TNFRSF14: variants seen among roughly 807,000 people sequenced by gnomAD.
TNFRSF14 encodes the protein tumor necrosis factor receptor superfamily member 14.
Under a neutral mutation model 34.1 loss-of-function variants are expected in TNFRSF14, and 18 were observed. That is an observed-to-expected ratio of 0.53 (90% CI 0.36 to 0.78). The LOEUF (loss-of-function observed/expected upper bound fraction) is 0.78. Ranked by LOEUF, TNFRSF14 falls within the 30% of genes least tolerant of loss-of-function variation. TNFRSF14 has a pLI of 0.00. For missense variants in TNFRSF14, 352 were observed against 379.5 expected, an observed-to-expected ratio of 0.93 and a Z score of 0.60; for synonymous variants, 157 against 153.2, an observed-to-expected ratio of 1.02 and a Z score of -0.18.
intron 1 of TNFRSF14, 144 bp downstream of exon 1, chr1:2,556,877 G>A: frequency 1.2e-6 from 1 of 811,066 alleles, no homozygotes; most frequent in Non-Finnish European, 1.9e-6. Context: ...GGGCTCTCGG[G>A]TCAACCCAGA....
Position 2,561,510 on chromosome 1 carries a change from CAG to C in TNFRSF14, c.552-161_552-160del, listed in dbSNP as rs1644307907. On this transcript the variant is annotated intron_variant, in intron 5 of 7. Coordinates refer to ENST00000355716, the MANE Select transcript of TNFRSF14 (RefSeq NM_003820.4). The surrounding 1 kb of genome is among the most constrained non-coding windows in gnomAD (Gnocchi z 6.0). ...TCCCCATAGCCGAGCTTGGAAAAGT[CAG>C]ACAGACCTCTGAGGTCTCATCCTGG... is the stretch of plus-strand genomic sequence containing the variant. 1 of 1,538,026 alleles carries C rather than the reference CAG, an allele frequency of 6.5e-7. No homozygotes were observed. Among genetic ancestry groups the C allele is most frequent in the Admixed American group, 2.1e-5 (1 of 48,332 alleles).
At chr1:2,560,097 C>A (rs939193570) in intron 4 of TNFRSF14, 119 bp downstream of exon 4, 25 of 1,387,250 alleles carry the variant, frequency 1.8e-5, no homozygotes, top group Non-Finnish European at 2.4e-5. Flanking sequence ...TGAGACAGAA[C>A]CTTGGCCAGC....
intron 3 of TNFRSF14, chr1:2,559,192 T>C (rs1380355561): frequency 5.8e-6 from 8 of 1,367,676 alleles, no homozygotes; most frequent in Middle Eastern, 1.9e-4. Context: ...GAAGCTGGAG[T>C]GCTTTGGGGG....
intron 3 of TNFRSF14, chr1:2,559,421 T>C: frequency 3.6e-6 from 5 of 1,387,990 alleles, no homozygotes; most frequent in Non-Finnish European, 3.8e-6. Flanking sequence ...CCTCTGCCAT[T>C]GGAATGGCCT....
At chr1:2,560,851 G>A (rs535978963) in intron 5 of TNFRSF14, 137 bp downstream of exon 5, 209 of 722,374 alleles carry the variant, frequency 2.9e-4, no homozygotes, top group African/African-American at 2.8e-3. Flanking sequence ...ACATGCCTGC[G>A]TCCAGGAGAG....
chr1:2,558,764 A>T, intron 3 of TNFRSF14: 2 of 1,268,390 alleles, frequency 1.6e-6, no homozygotes, highest in African/African-American at 3.0e-5. Flanking sequence ...GGGTGCCCAG[A>T]CCTCTCCTGT....
chr1:2,556,562 T>TCTCTTTCTCTTC lies in TNFRSF14; in HGVS notation c.-102_-91dup. On this transcript the variant is annotated 5_prime_UTR_variant, in exon 1 of 8. Coordinates refer to ENST00000355716, the MANE Select transcript of TNFRSF14 (RefSeq NM_003820.4). ...CACCGAGGCGGATTCTCTTTCTCTT[T>TCTCTTTCTCTTC]CTCTTTCTCTTCTGGCCCACAGCCG... 8.5e-7 allele frequency: 1 copy of TCTCTTTCTCTTC among 1,177,652 alleles called. No individual in the cohort carries two copies. The highest frequency in any genetic ancestry group is 1.2e-6 in the Non-Finnish European group (1 of 805,976). The allele number at this position is 1,177,652 out of a possible 1,614,324, so 73.0% of individuals were successfully genotyped here.
chr1:2,559,354 C>T (rs1478477219), intron 3 of TNFRSF14: 2 of 1,375,642 alleles, frequency 1.5e-6, no homozygotes, highest in East Asian at 3.4e-5. Context: ...GGGCCCAGGC[C>T]CAGCTTGTAC....
intron 1 of TNFRSF14, among the ~76,000 whole-genome samples, 180 bp from the exon 2 acceptor site, chr1:2,557,546 G>A (rs1191574454): frequency 2.6e-5 from 4 of 152,246 alleles, no homozygotes; most frequent in African/African-American, 9.6e-5. Flanking sequence ...ACCCTATCCC[G>A]GGCTCCAGCG....
At chr1:2,558,264 T>C in intron 2 of TNFRSF14, 79 bp from the exon 3 acceptor site, 1 of 1,522,006 alleles carries the variant, frequency 6.6e-7, no homozygotes, top group Non-Finnish European at 8.7e-7. Flanking sequence ...GCTTGGGCTC[T>C]GGGCGCGGGT....
At chr1:2,560,517 C>G in intron 4 of TNFRSF14, 107 bp from the exon 5 acceptor site, 1 of 783,506 alleles carries the variant, frequency 1.3e-6, no homozygotes, top group Non-Finnish European at 2.1e-6. Flanking sequence ...CCTCCCATCA[C>G]CCGTAGAGCA....
Position 2,563,135 on chromosome 1 carries a change from C to A in TNFRSF14, c.727-13C>A, listed in dbSNP as rs200499913. 6.2e-7 allele frequency: 1 copy of A among 1,612,958 alleles called. No homozygotes were observed. Among genetic ancestry groups the A allele is most frequent in the South Asian group, 1.1e-5 (1 of 91,092 alleles). ...CTGAGCAGGCAGGGTCTCCACGATT[C>A]GTGTGCTCACAGCGGAAAAGACAGG... On this transcript the variant is annotated splice_polypyrimidine_tract_variant and intron_variant, in intron 7 of 7. Transcript: ENST00000355716.
intron 4 of TNFRSF14, 114 bp downstream of exon 4, chr1:2,560,092 C>T (rs1341287310): frequency 2.1e-6 from 3 of 1,410,500 alleles, no homozygotes; most frequent in East Asian, 2.5e-5. Context: ...CCTGGTGAGA[C>T]AGAACCTTGG....
Position 2,563,418 on chromosome 1 carries a change from T to G in TNFRSF14, c.*145T>G, listed in dbSNP as rs996311399. On this transcript the variant is annotated 3_prime_UTR_variant, in exon 8 of 8. Coordinates refer to ENST00000355716, the MANE Select transcript of TNFRSF14 (RefSeq NM_003820.4). The stretch of plus-strand genomic sequence containing the variant: ...CCGTCTCCTCCAGTGGAGGGAGAGG[T>G]GGGGCCCCTGCTGGGGTAGAGCTGG... The G allele has an allele frequency of 2.2e-6, 3 of 1,382,660 alleles. No homozygotes were observed. Among genetic ancestry groups the G allele is most frequent in the Non-Finnish European group, 2.9e-6 (3 of 1,030,656 alleles). The allele number at this position is 1,382,660 out of a possible 1,614,324, so 85.6% of individuals were successfully genotyped here.
Position 2,556,541 on chromosome 1 carries a change from G to C in TNFRSF14, c.-124G>C. 1 of 1,008,512 alleles carries C rather than the reference G, an allele frequency of 9.9e-7. No homozygotes were observed. Among genetic ancestry groups the C allele is most frequent in the Non-Finnish European group, 1.5e-6 (1 of 654,192 alleles). The allele number at this position is 1,008,512 out of a possible 1,614,324, so 62.5% of individuals were successfully genotyped here. A position where few individuals can be genotyped will look rare whatever the true frequency, so the allele number is the denominator to read the frequency against. ...GTTCTGAGGCACAGCTTGTCACACC[G>C]AGGCGGATTCTCTTTCTCTTTCTCT... On this transcript the variant is annotated 5_prime_UTR_variant, in exon 1 of 8. Coordinates refer to ENST00000355716, the MANE Select transcript of TNFRSF14 (RefSeq NM_003820.4).
Position 2,561,371 on chromosome 1 carries a change from C to T in TNFRSF14, c.552-302C>T. On this transcript the variant is annotated intron_variant, in intron 5 of 7. Transcript: ENST00000355716. The surrounding 1 kb of genome is among the most constrained non-coding windows in gnomAD (Gnocchi z 6.0). ...TTGTCTGCCACTGGTCTCCCGTGCT[C>T]TGGGGTCTCTGCACTGCTGGCTGCC... is the stretch of plus-strand genomic sequence containing the variant. The T allele has an allele frequency of 1.1e-6, 1 of 935,314 alleles. No homozygotes were observed. The highest frequency in any genetic ancestry group is 1.6e-6 in the Non-Finnish European group (1 of 631,170). 57.9% of individuals were successfully genotyped at this position (935,314 alleles called of 1,614,324 possible).
chr1:2,558,742 G>A, intron 3 of TNFRSF14: 1 of 1,179,186 alleles, frequency 8.5e-7, no homozygotes, highest in Non-Finnish European at 1.1e-6. Flanking sequence ...TGGCTCCTCT[G>A]GTGCCCGGGG....
At chr1:2,557,615 C>A in intron 1 of TNFRSF14, 111 bp from the exon 2 acceptor site, 2 of 768,616 alleles carry the variant, frequency 2.6e-6, no homozygotes, top group Non-Finnish European at 4.0e-6. Context: ...CTCTACCAGG[C>A]ACTGCCGCTC....
rs749654931 is a variant in TNFRSF14, at chr1:2,563,166, G to A, written c.745G>A (p.Glu249Lys). The stretch of plus-strand genomic sequence containing the variant: ...CTCACAGCGGAAAAGACAGGAGGCA[G>A]AAGGTGAGGCCACAGTCATTGAGGC... ...VSVQRKRQEAEGEATVIEALQ... is the reference protein window; with the variant it reads ...VSVQRKRQEAKGEATVIEALQ... Residue 249 changes from glutamate (E) to lysine (K), a missense_variant, in exon 8 of 8, where the codon GAA (glutamate) becomes AAA (lysine). By Grantham distance (56) the Glu-to-Lys change is moderately conservative. Coordinates refer to ENST00000355716, the MANE Select transcript of TNFRSF14 (RefSeq NM_003820.4). 3.4e-5 allele frequency: 55 copies of A among 1,613,398 alleles called. 3 individuals carry two copies. In the South Asian group the frequency reaches 5.9e-4, roughly 17 times the overall value.
Sources: gnomAD v4.1 joint callset for allele counts (sites outside exome capture counted in the v4.1 genomes callset) on GRCh38, gnomAD v4.1.1 for gene constraint, Gnocchi (gnomAD v3.1) non-coding constraint, MANE v1.5 for transcripts, NCBI Gene and HGNC (gene_info 2026-07-23, HGNC 2026-07-21) for gene names.